Variants in LEPR observed in about 807,000 individuals in gnomAD.
The protein encoded by LEPR is OB receptor.
In LEPR, 56 loss-of-function variants were observed where a neutral mutation model predicts 114.7. The observed-to-expected ratio is 0.49, with a 90% CI of 0.39 to 0.61. The LOEUF (loss-of-function observed/expected upper bound fraction) is 0.61, where lower values mean the gene tolerates loss of function less well. LEPR is among the 20% of genes least tolerant of loss of function. The pLI, the probability that LEPR is intolerant of heterozygous loss-of-function variation, is 0.00. For missense variants in LEPR, 1,202 were observed against 1,352.9 expected (o/e 0.89, Z 1.75); for synonymous variants, 443 against 461.4 (o/e 0.96, Z 0.51).
At chr1:65,455,669 C>A (rs558242269) in intron 2 of LEPR, among the ~76,000 whole-genome samples, 1 of 152,184 alleles carries the variant, frequency 6.6e-6, no homozygotes, top group African/African-American at 2.4e-5. Flanking sequence ...GCTGGGAGAA[C>A]CACTGCTCTC....
In LEPR at chr1:65,565,583, C is replaced by T. The variant is rs1465011978; in HGVS notation, c.18C>T (p.Phe6=). 5.0e-6 allele frequency: 8 copies of T among 1,613,876 alleles called. No homozygotes were observed. Among genetic ancestry groups the T allele is most frequent in the Non-Finnish European group, 6.8e-6 (8 of 1,179,942 alleles). Residue 6 remains phenylalanine, a synonymous_variant, in exon 3 of 20, where the codon TTC becomes TTT. Transcript: ENST00000349533. MICQK[F]CVVLLHWEFI... is the part of the protein sequence containing the mutation. ...GAAGTAAGATGATTTGTCAAAAATT[C>T]TGTGTGGTTTTGTTACATTGGGGTA...
At chr1:65,628,127 T>A (rs1174887462) in intron 19 of LEPR, among the ~76,000 whole-genome samples, 1 of 152,172 alleles carries the variant, frequency 6.6e-6, no homozygotes, top group African/African-American at 2.4e-5. Context: ...TTAAAACCAC[T>A]ATATGCCAGA....
rs867931837 is a variant in LEPR, at chr1:65,636,191, C to A, written c.2674C>A (p.Pro892Thr). The change falls in exon 20 of 20, where the codon CCA becomes ACA. Residue 892 changes from proline (P) to threonine (T), a missense_variant and splice_region_variant. Pro to Thr is a conservative substitution (Grantham distance 38, BLOSUM62 -1). Coordinates refer to ENST00000349533, the MANE Select transcript of LEPR (RefSeq NM_002303.6). ...CCTTAAAATGTGTCTTTTCTTTTAG[C>A]CAGAAACGTTTGAGCATCTTTTTAT... ...SWAQGLNFQK[P>T]ETFEHLFIKH... 3 of 1,613,640 alleles carry A rather than the reference C, an allele frequency of 1.9e-6. No homozygotes were observed. The highest frequency in any genetic ancestry group is 3.3e-5 in the Admixed American group (2 of 60,002).
At chr1:65,434,914 G>C (rs1360881500) in intron 2 of LEPR, 1 of 985,300 alleles carries the variant, frequency 1.0e-6, no homozygotes, top group Non-Finnish European at 1.2e-6. Context: ...CTTCATCACA[G>C]AAAGAATGCC....
chr1:65,601,639 T>C lies in LEPR; in HGVS notation c.1242T>C (p.Asn414=), dbSNP rs1656446215. The C allele has an allele frequency of 6.2e-7, 1 of 1,613,726 alleles. No individual in the cohort carries two copies. The change falls in exon 9 of 20, where the codon AAT becomes AAC. Residue 414 remains asparagine, a synonymous_variant. Coordinates refer to ENST00000349533, the MANE Select transcript of LEPR (RefSeq NM_002303.6). ...CCTATGATGCAGTGTACTGCTGCAATGAACATGAATGCCATCATCGCTATG... is the reference window on the plus strand; with the variant it reads ...CCTATGATGCAGTGTACTGCTGCAACGAACATGAATGCCATCATCGCTATG... ...KFTYDAVYCC[N]EHECHHRYAE...
intron 2 of LEPR, among the ~76,000 whole-genome samples, chr1:65,449,870 C>A (rs1290196718): frequency 6.6e-6 from 1 of 151,306 alleles, no homozygotes. Flanking sequence ...ATCTTTCTTC[C>A]TTTCTAATAT....
At position 65,438,113 on chromosome 1, in the gene LEPR, CTT is replaced by C. The variant is rs36053447; in HGVS notation, c.-21+12755_-21+12756del. On this transcript the variant is annotated intron_variant, in intron 2 of 19. Coordinates refer to ENST00000349533, the MANE Select transcript of LEPR (RefSeq NM_002303.6). The stretch of plus-strand genomic sequence containing the variant: ...GGTATGGGCCATGGCTCCTAGCCGC[CTT>C]TTTTTTTTTTTTTTTTTTTCAAAAA... Among the ~76,000 whole-genome samples the C allele has an allele frequency of 1.9e-4, 17 of 87,760 alleles. 1 individual carries two copies. Among genetic ancestry groups the C allele is most frequent in the Middle Eastern group, 0.013 (1 of 80 alleles). 57.6% of individuals were successfully genotyped at this position (87,760 alleles called of 152,430 possible). A position where few individuals can be genotyped will look rare whatever the true frequency, so the allele number is the denominator to read the frequency against.
At chr1:65,510,648 G>A (rs757866090) in intron 2 of LEPR, among the ~76,000 whole-genome samples, 1 of 152,140 alleles carries the variant, frequency 6.6e-6, no homozygotes, top group Non-Finnish European at 1.5e-5. Flanking sequence ...ACAGCACACT[G>A]TGTTTTTGAA....
At chr1:65,505,370 C>T (rs1648670242) in intron 2 of LEPR, among the ~76,000 whole-genome samples, 1 of 152,164 alleles carries the variant, frequency 6.6e-6, no homozygotes, top group African/African-American at 2.4e-5. Context: ...CATGCATACT[C>T]TTTCCTCTGT....
intron 5 of LEPR, among the ~76,000 whole-genome samples, chr1:65,586,581 G>A (rs184738089): frequency 9.2e-5 from 14 of 151,446 alleles, no homozygotes; most frequent in African/African-American, 3.4e-4. Flanking sequence ...ACATTTATGG[G>A]CACTGAAATT....
chr1:65,636,838 C>A lies in LEPR; in HGVS notation c.3321C>A (p.Pro1107=). 1 of 1,612,936 alleles carries A rather than the reference C, an allele frequency of 6.2e-7. No individual in the cohort carries two copies. The highest frequency in any genetic ancestry group is 1.1e-5 in the South Asian group (1 of 90,808). ...GGGTATCGTGCCCATTCCCAGCCCC[C>A]TGTTTATTCACGGACATCAGAGTTC... is the stretch of plus-strand genomic sequence containing the variant. The part of the protein sequence containing the change: ...KSRVSCPFPA[P]CLFTDIRVLQ... Residue 1107 remains proline (P), a synonymous_variant, in exon 20 of 20, where the codon CCC becomes CCA. Coordinates refer to ENST00000349533, the MANE Select transcript of LEPR (RefSeq NM_002303.6).
At chr1:65,596,667 C>A (rs1175794845) in intron 7 of LEPR, 74 bp downstream of exon 7, 3 of 1,302,830 alleles carry the variant, frequency 2.3e-6, no homozygotes, top group Non-Finnish European at 3.3e-6. Context: ...ATAGCAATTA[C>A]CCTCTGCATA....
At chr1:65,598,132 C>G (rs930925102) in intron 7 of LEPR, among the ~76,000 whole-genome samples, 1 of 107,960 alleles carries the variant, frequency 9.3e-6, no homozygotes, top group African/African-American at 4.6e-5. Flanking sequence ...TGAGGTATCA[C>G]TATGTTGCTC....
intron 2 of LEPR, among the ~76,000 whole-genome samples, chr1:65,550,190 G>C (rs919453460): frequency 6.6e-6 from 1 of 152,144 alleles, no homozygotes; most frequent in African/African-American, 2.4e-5. Context: ...TCTCAGAGGA[G>C]TACCCGGCCG....
intron 2 of LEPR, among the ~76,000 whole-genome samples, chr1:65,516,889 G>C (rs185694760): frequency 4.5e-4 from 69 of 152,212 alleles, no homozygotes; most frequent in Middle Eastern, 3.4e-3. Context: ...CCTTGATTTT[G>C]CCACCCCATC....
intron 2 of LEPR, among the ~76,000 whole-genome samples, chr1:65,487,428 G>A (rs1647547771): frequency 6.6e-6 from 1 of 151,934 alleles, no homozygotes; most frequent in South Asian, 2.1e-4. Context: ...GTTGTTGTAG[G>A]TATAGTAAGT....
intron 2 of LEPR, among the ~76,000 whole-genome samples, chr1:65,466,602 A>AT (rs1306111324): frequency 6.6e-6 from 1 of 152,188 alleles, no homozygotes; most frequent in Admixed American, 6.5e-5. Context: ...GTTCTCCTAG[A>AT]TAATATCCTG....
At chr1:65,530,361 T>G (rs1371016016) in intron 2 of LEPR, among the ~76,000 whole-genome samples, 2 of 152,190 alleles carry the variant, frequency 1.3e-5, no homozygotes, top group Non-Finnish European at 2.9e-5. Context: ...AAGAGAGGGT[T>G]CTTGGATCTC....
At position 65,435,366 on chromosome 1, in the gene LEPR, C is replaced by CTTTTTTTTTTTTTT. The variant is rs60757318; in HGVS notation, c.-21+9994_-21+10007dup. The CTTTTTTTTTTTTTT allele has an allele frequency of 5.1e-5, 37 of 726,196 alleles. 1 individual carries two copies. Among genetic ancestry groups the CTTTTTTTTTTTTTT allele is most frequent in the African/African-American group, 2.5e-4 (10 of 40,550 alleles). 45.0% of individuals were successfully genotyped at this position (726,196 alleles called of 1,614,324 possible). Reference sequence around the variant, plus strand: ...TGTCACAAAATGTGCCTTTTCTTTTCTTTTTTTTTTTTTTTTTTTGAGGCA... The same window carrying CTTTTTTTTTTTTTT: ...TGTCACAAAATGTGCCTTTTCTTTTCTTTTTTTTTTTTTTTTTTTTTTTTTTTTTTTTTGAGGCA... On this transcript the variant is annotated intron_variant, in intron 2 of 19. Coordinates refer to ENST00000349533, the MANE Select transcript of LEPR (RefSeq NM_002303.6).
Sources: gnomAD v4.1 joint callset for allele counts (sites outside exome capture counted in the v4.1 genomes callset) on GRCh38, gnomAD v4.1.1 for gene constraint, MANE v1.5 for transcripts, NCBI Gene and HGNC (gene_info 2026-07-23, HGNC 2026-07-21) for gene names.